CLSTN1: variants seen among roughly 807,000 people sequenced by gnomAD.
CLSTN1 encodes the protein calsyntenin-1.
In CLSTN1, 28 loss-of-function variants were observed where a neutral mutation model predicts 108.3. The observed-to-expected ratio is 0.26, with a 90% CI of 0.19 to 0.35. The LOEUF (loss-of-function observed/expected upper bound fraction) is 0.35. Among genes scored for constraint, CLSTN1 ranks in the 10% least tolerant of loss-of-function variants. The pLI, the probability that CLSTN1 is intolerant of heterozygous loss-of-function variation, is 1.00. For missense variants in CLSTN1, 1,157 were observed against 1,302.6 expected, an observed-to-expected ratio of 0.89 and a Z score of 1.72; for synonymous variants, 524 against 534.9, an observed-to-expected ratio of 0.98 and a Z score of 0.28.
At chr1:9,774,397 C>A (rs1445553594) in intron 1 of CLSTN1, among the ~76,000 whole-genome samples, 1 of 151,884 alleles carries the variant, frequency 6.6e-6, no homozygotes, top group Non-Finnish European at 1.5e-5. Context: ...GAAACCCTGT[C>A]TTTACTAAAA....
At chr1:9,779,542 T>A (rs1286056295) in intron 1 of CLSTN1, among the ~76,000 whole-genome samples, 2 of 149,422 alleles carry the variant, frequency 1.3e-5, no homozygotes, top group African/African-American at 4.9e-5. Flanking sequence ...AACCATGGAG[T>A]TTGACTCCAG....
In CLSTN1 at chr1:9,773,302, G is replaced by T. The variant is rs765484346; in HGVS notation, c.184C>A (p.Leu62Met). The T allele has an allele frequency of 6.2e-7, 1 of 1,614,102 alleles. No homozygotes were observed. Among genetic ancestry groups the T allele is most frequent in the Non-Finnish European group, 8.5e-7 (1 of 1,179,994 alleles). The change falls in exon 2 of 19, where the codon CTG (leucine) becomes ATG (methionine). Residue 62 changes from leucine (L) to methionine (M), a missense_variant. Leu to Met is a conservative substitution (Grantham distance 15). Transcript: ENST00000377298. ...AATCGCAGAGGCGCATCTTTATCCA[G>T]CGCGATCAGTGGGGGGTCGAGGAGC... The part of the protein sequence containing the change: ...TVLLDPPLIA[L>M]DKDAPLRFAE...
At chr1:9,802,734 G>A (rs2101277871) in intron 1 of CLSTN1, among the ~76,000 whole-genome samples, 1 of 151,984 alleles carries the variant, frequency 6.6e-6, no homozygotes, top group African/African-American at 2.4e-5. Flanking sequence ...TTCCTCTTTG[G>A]TAAAATGGGC....
chr1:9,747,931 C>G (rs1010973277), intron 7 of CLSTN1, among the ~76,000 whole-genome samples: 2 of 151,704 alleles, frequency 1.3e-5, no homozygotes, highest in African/African-American at 4.8e-5. Context: ...GTAGTCCCAG[C>G]TACTCGGGAG....
chr1:9,802,744 C>T (rs1277090605), intron 1 of CLSTN1, among the ~76,000 whole-genome samples: 1 of 152,024 alleles, frequency 6.6e-6, no homozygotes, highest in Non-Finnish European at 1.5e-5. Flanking sequence ...GTAAAATGGG[C>T]TGCCTGGGCT....
chr1:9,792,201 C>T (rs1653800469), intron 1 of CLSTN1, among the ~76,000 whole-genome samples: 1 of 150,890 alleles, frequency 6.6e-6, no homozygotes, highest in Non-Finnish European at 1.5e-5. Context: ...AAAACAACAA[C>T]AACAACAACA....
chr1:9,819,556 G>C (rs1351954824), intron 1 of CLSTN1, among the ~76,000 whole-genome samples: 1 of 152,144 alleles, frequency 6.6e-6, no homozygotes, highest in African/African-American at 2.4e-5. Context: ...GATAATGTAT[G>C]TTATGACCTC....
At chr1:9,748,699 G>T (rs946900600) in intron 7 of CLSTN1, among the ~76,000 whole-genome samples, 5 of 152,146 alleles carry the variant, frequency 3.3e-5, no homozygotes, top group Non-Finnish European at 7.3e-5. Flanking sequence ...ATGTTGGTCA[G>T]GCTGGTCTCG....
intron 17 of CLSTN1, 142 bp downstream of exon 17, chr1:9,731,619 A>G: frequency 1.0e-6 from 1 of 957,534 alleles, no homozygotes; most frequent in Non-Finnish European, 1.6e-6. Context: ...CGAGGGCTTT[A>G]GTTTCCTTGT....
chr1:9,739,736 G>A (rs1482048219), intron 10 of CLSTN1, among the ~76,000 whole-genome samples: 1 of 151,916 alleles, frequency 6.6e-6, no homozygotes, highest in Non-Finnish European at 1.5e-5. Flanking sequence ...TCTGAGTGTG[G>A]GCCCAGAATA....
intron 7 of CLSTN1, among the ~76,000 whole-genome samples, chr1:9,748,336 C>T (rs948062223): frequency 6.6e-6 from 1 of 152,182 alleles, no homozygotes; most frequent in African/African-American, 2.4e-5. Context: ...GAGACCTAGC[C>T]TTCTGGTGGG....
In CLSTN1 at chr1:9,734,348, G is replaced by A. The variant is rs1005882500; in HGVS notation, c.2111-206C>T. Among the ~76,000 whole-genome samples, 1 of 152,192 alleles carries A rather than the reference G, an allele frequency of 6.6e-6. No individual in the cohort carries two copies. Among genetic ancestry groups the A allele is most frequent in the Non-Finnish European group, 1.5e-5 (1 of 68,032 alleles). On this transcript the variant is annotated intron_variant, in intron 14 of 18. Transcript: ENST00000377298. This position sits in a 1 kb window ranked among gnomAD's most constrained non-coding sequence, Gnocchi z 4.8. ...CCAGCACTTTGGGAGGCCAAGACGG[G>A]TGGATCACCTGAGGTCAGGAGTTTG...
At chr1:9,784,050 T>C (rs1653368356) in intron 1 of CLSTN1, among the ~76,000 whole-genome samples, 1 of 151,476 alleles carries the variant, frequency 6.6e-6, no homozygotes, top group Non-Finnish European at 1.5e-5. Context: ...CAGATGCCTG[T>C]AATCCCAGAT....
intron 10 of CLSTN1, 108 bp from the exon 11 acceptor site, chr1:9,737,662 A>G (rs1650765263): frequency 3.1e-6 from 3 of 967,152 alleles, no homozygotes; most frequent in Non-Finnish European, 4.9e-6. Context: ...ACATGAAGAG[A>G]AAATTCCCTC....
Position 9,733,971 on chromosome 1 carries a change from C to T in CLSTN1, c.2281+1G>A. 6.2e-7 allele frequency: 1 copy of T among 1,611,842 alleles called. No homozygotes were observed. The highest frequency in any genetic ancestry group is 8.5e-7 in the Non-Finnish European group (1 of 1,178,764). ...CTGCGTGGCTGCAGCGCTCCCCTTA[C>T]CTGTGAAGGTCATGCCCAGTTCAGA... On this transcript the variant is annotated splice_donor_variant, in intron 15 of 18. Transcript: ENST00000377298. LOFTEE classifies it high-confidence loss of function.
At chr1:9,792,040 T>G (rs1255439962) in intron 1 of CLSTN1, among the ~76,000 whole-genome samples, 1 of 150,546 alleles carries the variant, frequency 6.6e-6, no homozygotes, top group Non-Finnish European at 1.5e-5. Context: ...TCCCAGCTAC[T>G]CGGGAGGCTG....
At chr1:9,800,857 G>A (rs764647546) in intron 1 of CLSTN1, among the ~76,000 whole-genome samples, 1 of 151,764 alleles carries the variant, frequency 6.6e-6, no homozygotes, top group Non-Finnish European at 1.5e-5. Flanking sequence ...GAGAATAGCT[G>A]GAACCTGGGA....
At chr1:9,816,969 C>A (rs541914555) in intron 1 of CLSTN1, among the ~76,000 whole-genome samples, 2 of 152,046 alleles carry the variant, frequency 1.3e-5, no homozygotes, top group African/African-American at 2.4e-5. Context: ...TTGTCCTACA[C>A]AATGACTCAG....
Position 9,741,113 on chromosome 1 carries a change from C to G in CLSTN1, c.1500G>C (p.Val500=), listed in dbSNP as rs1557693305. The change falls in exon 10 of 19, where the codon GTG becomes GTC. Residue 500 remains valine (V), a synonymous_variant. Coordinates refer to ENST00000377298, the MANE Select transcript of CLSTN1 (RefSeq NM_001009566.3). ...AGGTACCTTGCCAGCAAGCCCCCAC[C>G]ACGAGCTGAGTTTCTATCTTGGATG... is the stretch of plus-strand genomic sequence containing the variant. ...LHPSKIETQL[V]VGACWQEFSG... 1 of 1,613,648 alleles carries G rather than the reference C, an allele frequency of 6.2e-7. No individual in the cohort carries two copies. Among genetic ancestry groups the G allele is most frequent in the Non-Finnish European group, 8.5e-7 (1 of 1,179,704 alleles).
Sources: allele counts gnomAD v4.1 joint callset (sites outside exome capture counted in the v4.1 genomes callset), GRCh38; gene constraint gnomAD v4.1.1; non-coding constraint Gnocchi (gnomAD v3.1); transcripts MANE v1.5; gene names NCBI Gene and HGNC (gene_info 2026-07-23, HGNC 2026-07-21).